KIF16B: variants seen among roughly 807,000 people sequenced by gnomAD.
KIF16B encodes kinesin-like protein KIF16B.
Under a neutral mutation model 156.3 loss-of-function variants are expected in KIF16B, and 98 were observed. That is an observed-to-expected ratio of 0.63 (90% CI 0.53 to 0.74). The LOEUF is 0.74. KIF16B is among the 30% of genes least tolerant of loss of function. KIF16B has a pLI of 0.00. For synonymous variants in KIF16B, 564 were observed against 583.7 expected (o/e 0.97, Z 0.49); for missense variants, 1,421 against 1,606.5 (o/e 0.88, Z 1.97).
At chr20:16,338,696 C>A (rs2064085431) in intron 23 of KIF16B, among the ~76,000 whole-genome samples, 1 of 152,154 alleles carries the variant, frequency 6.6e-6, no homozygotes, top group Non-Finnish European at 1.5e-5. Flanking sequence ...CCTGCACCTG[C>A]CCAGCAGAAT....
chr20:16,493,702 G>A (rs916441201), intron 12 of KIF16B, among the ~76,000 whole-genome samples: 1 of 152,136 alleles, frequency 6.6e-6, no homozygotes, highest in African/African-American at 2.4e-5. Flanking sequence ...CAAAAAATGA[G>A]AACAAAAAGA....
chr20:16,548,572 T>G (rs1182639011), intron 1 of KIF16B, among the ~76,000 whole-genome samples: 1 of 152,208 alleles, frequency 6.6e-6, no homozygotes, highest in Non-Finnish European at 1.5e-5. Context: ...GCAAGGGATC[T>G]AGGTTGCAAC....
At chr20:16,320,198 A>C (rs1293782645) in intron 24 of KIF16B, among the ~76,000 whole-genome samples, 1 of 152,186 alleles carries the variant, frequency 6.6e-6, no homozygotes, top group Non-Finnish European at 1.5e-5. Flanking sequence ...CACCACATCG[A>C]CATCAACCAA....
At chr20:16,536,103 T>C (rs1291372487) in intron 1 of KIF16B, among the ~76,000 whole-genome samples, 1 of 152,136 alleles carries the variant, frequency 6.6e-6, no homozygotes, top group Non-Finnish European at 1.5e-5. Context: ...CAACAATGAA[T>C]GAACGGATCA....
In KIF16B at chr20:16,526,149, A is replaced by AC. The variant is rs1192387275; in HGVS notation, c.173_174insG (p.Tyr58Ter). Residue 58 changes from tyrosine (Y) to a stop codon, truncating the protein, a stop_gained and frameshift_variant, in exon 3 of 26, where the codon TAT (tyrosine) becomes TAGT (stop). Transcript: ENST00000354981. LOFTEE classifies it high-confidence loss of function. Reference sequence around the variant, plus strand: ...TATCAGCAGAATAAAAAGAAAAGTCATAGGTGAAGGTCTTGGTCCGTTCTC... The same window carrying AC: ...TATCAGCAGAATAAAAAGAAAAGTCACTAGGTGAAGGTCTTGGTCCGTTCTC... ...SGRERTKTFT[Y>*]DFSFYSADTK... 1 of 1,610,858 alleles carries AC rather than the reference A, an allele frequency of 6.2e-7. No homozygotes were observed. The highest frequency in any genetic ancestry group is 8.5e-7 in the Non-Finnish European group (1 of 1,178,596).
At chr20:16,392,715 C>T (rs1032898535) in intron 17 of KIF16B, among the ~76,000 whole-genome samples, 2 of 152,204 alleles carry the variant, frequency 1.3e-5, no homozygotes, top group African/African-American at 2.4e-5. Context: ...ATGCTCAGCT[C>T]TCTGTTGCAG....
chr20:16,368,351 C>T (rs1028586441), intron 22 of KIF16B: 9 of 988,990 alleles, frequency 9.1e-6, no homozygotes, highest in African/African-American at 1.7e-5. Context: ...GCTTCGCTCT[C>T]GCTGCTGCCA....
chr20:16,330,020 T>C (rs1302875833), intron 24 of KIF16B, among the ~76,000 whole-genome samples: 1 of 152,200 alleles, frequency 6.6e-6, no homozygotes, highest in African/African-American at 2.4e-5. Flanking sequence ...TCTGTCATCA[T>C]ACAATTAAAA....
At position 16,379,991 on chromosome 20, in the gene KIF16B, C is replaced by A; in HGVS notation, c.2011G>T (p.Asp671Tyr). Reference protein sequence around the residue: ...RSFHIENKLKDLLAEKEKFEE... With the variant: ...RSFHIENKLKYLLAEKEKFEE... ...AATTTTTCCTTCTCCGCAAGTAAAT[C>A]CTTTAGCTTGTTCTCGATGTGGAAG... The change falls in exon 19 of 26, where the codon GAT (aspartate) becomes TAT (tyrosine). Residue 671 changes from aspartate (D) to tyrosine (Y), a missense_variant. Asp to Tyr is a radical substitution (Grantham distance 160). Coordinates refer to ENST00000354981, the MANE Select transcript of KIF16B (RefSeq NM_024704.5). 1 of 1,610,194 alleles carries A rather than the reference C, an allele frequency of 6.2e-7. No homozygotes were observed. The highest frequency in any genetic ancestry group is 8.5e-7 in the Non-Finnish European group (1 of 1,178,792).
chr20:16,569,840 A>C (rs1418649792), intron 1 of KIF16B, among the ~76,000 whole-genome samples: 2 of 152,228 alleles, frequency 1.3e-5, no homozygotes, highest in Non-Finnish European at 2.9e-5. Flanking sequence ...TTATAAAACT[A>C]CGCATGAGGA....
chr20:16,328,238 T>C (rs906224262), intron 24 of KIF16B, among the ~76,000 whole-genome samples: 9 of 152,116 alleles, frequency 5.9e-5, no homozygotes, highest in African/African-American at 2.2e-4. Flanking sequence ...CAATTTTCCA[T>C]TTTTATGGAA....
intron 15 of KIF16B, among the ~76,000 whole-genome samples, chr20:16,412,079 C>T (rs748181313): frequency 1.3e-5 from 2 of 151,686 alleles, no homozygotes; most frequent in African/African-American, 4.8e-5. Context: ...GGAATGCTGA[C>T]TTCTAATGGC....
At chr20:16,465,829 C>A (rs960349824) in intron 12 of KIF16B, among the ~76,000 whole-genome samples, 5 of 151,050 alleles carry the variant, frequency 3.3e-5, no homozygotes, top group African/African-American at 1.2e-4. Flanking sequence ...TTCTTTATTT[C>A]TCTTTCTTCT....
intron 12 of KIF16B, among the ~76,000 whole-genome samples, chr20:16,465,488 T>C (rs1485998400): frequency 6.6e-5 from 10 of 152,200 alleles, no homozygotes; most frequent in African/African-American, 1.2e-4. Context: ...CTAATCCTTA[T>C]TTCAATTCAT....
chr20:16,439,062 G>A (rs573690213), intron 12 of KIF16B, among the ~76,000 whole-genome samples: 1 of 152,304 alleles, frequency 6.6e-6, no homozygotes, highest in Admixed American at 6.5e-5. Context: ...GGAGGTTCAG[G>A]TGGGAAGGCA....
chr20:16,430,782 C>A (rs2066475800), intron 12 of KIF16B, among the ~76,000 whole-genome samples: 1 of 151,794 alleles, frequency 6.6e-6, no homozygotes, highest in South Asian at 2.1e-4. Context: ...ATCTCCAGGG[C>A]AGATGTCTCC....
intron 12 of KIF16B, among the ~76,000 whole-genome samples, chr20:16,484,250 C>T (rs16997695): frequency 0.02 from 2,996 of 152,260 alleles, 103 homozygotes; most frequent in African/African-American, 0.069. Context: ...TGAGCAGCCC[C>T]TTCAAGATGA....
chr20:16,416,228 T>C (rs554540426), intron 15 of KIF16B, among the ~76,000 whole-genome samples: 22 of 152,326 alleles, frequency 1.4e-4, no homozygotes, highest in Admixed American at 7.2e-4. Flanking sequence ...ATCTCACTTG[T>C]CAATTTTTGC....
At position 16,404,915 on chromosome 20, in the gene KIF16B, CAG is replaced by C; in HGVS notation, c.1696-16_1696-15del. On this transcript the variant is annotated splice_polypyrimidine_tract_variant and intron_variant, in intron 16 of 25. Transcript: ENST00000354981. ...CAGAAGGCCACTCTAAGGGCAGACACAGGGCAGAGTGGTTACCTTAGCAGAGA... is the reference window on the plus strand; with the variant it reads ...CAGAAGGCCACTCTAAGGGCAGACACGGCAGAGTGGTTACCTTAGCAGAGA... 1 of 1,601,820 alleles carries C rather than the reference CAG, an allele frequency of 6.2e-7. No homozygotes were observed. Among genetic ancestry groups the C allele is most frequent in the Non-Finnish European group, 8.5e-7 (1 of 1,169,716 alleles).
Sources: allele counts gnomAD v4.1 joint callset (sites outside exome capture counted in the v4.1 genomes callset), GRCh38; gene constraint gnomAD v4.1.1; transcripts MANE v1.5; gene names NCBI Gene and HGNC (gene_info 2026-07-23, HGNC 2026-07-21).